UVRAG: variants seen among roughly 807,000 people sequenced by gnomAD.
UVRAG encodes the protein UV radiation resistance associated, also known as UV radiation resistance-associated gene protein.
Under a neutral mutation model 78.0 loss-of-function variants are expected in UVRAG, and 19 were observed. The observed-to-expected ratio is 0.24, with a 90% CI of 0.17 to 0.36. The LOEUF (loss-of-function observed/expected upper bound fraction) is 0.36. Among genes scored for constraint, UVRAG ranks in the 10% least tolerant of loss-of-function variants. UVRAG has a pLI of 1.00. For synonymous variants in UVRAG, 323 were observed against 324.6 expected (o/e 1.00, Z 0.05); for missense variants, 740 against 853.8 (o/e 0.87, Z 1.66).
At chr11:76,024,479 T>G (rs545016248) in intron 12 of UVRAG, among the ~76,000 whole-genome samples, 1 of 152,316 alleles carries the variant, frequency 6.6e-6, no homozygotes, top group East Asian at 1.9e-4. Flanking sequence ...GAAACACAAA[T>G]TGTATTTTGT....
chr11:76,088,858 C>A (rs1245627529), intron 13 of UVRAG, among the ~76,000 whole-genome samples: 1 of 152,156 alleles, frequency 6.6e-6, no homozygotes, highest in Non-Finnish European at 1.5e-5. Context: ...AGTAATCGAT[C>A]AAATATGTGA....
intron 3 of UVRAG, among the ~76,000 whole-genome samples, chr11:75,865,317 AAG>A (rs1946514500): frequency 6.6e-6 from 1 of 151,834 alleles, no homozygotes; most frequent in Non-Finnish European, 1.5e-5. Flanking sequence ...AAAGATAAAA[AAG>A]AGTGTTTTCC....
intron 6 of UVRAG, among the ~76,000 whole-genome samples, chr11:75,954,618 T>G (rs1017911329): frequency 2.0e-5 from 3 of 152,244 alleles, no homozygotes; most frequent in African/African-American, 7.2e-5. Flanking sequence ...TGTCAAATTT[T>G]GGGACTGTGC....
At chr11:76,016,538 A>G (rs963233170) in intron 11 of UVRAG, among the ~76,000 whole-genome samples, 2 of 152,142 alleles carry the variant, frequency 1.3e-5, no homozygotes, top group East Asian at 3.8e-4. Flanking sequence ...AGCAATGGTT[A>G]TTTGGACATA....
chr11:75,935,700 A>G (rs886775038), intron 6 of UVRAG, among the ~76,000 whole-genome samples: 2 of 152,202 alleles, frequency 1.3e-5, no homozygotes, highest in African/African-American at 2.4e-5. Flanking sequence ...AAATAGTATA[A>G]AGAGCTTTCC....
intron 1 of UVRAG, among the ~76,000 whole-genome samples, chr11:75,835,749 A>G (rs1945761392): frequency 6.6e-6 from 1 of 152,216 alleles, no homozygotes; most frequent in Non-Finnish European, 1.5e-5. Flanking sequence ...ATCTCTCTAA[A>G]TAGAGGTAAT....
At position 75,870,081 on chromosome 11, in the gene UVRAG, A is replaced by T. The variant is rs190232653; in HGVS notation, c.270+8301A>T. On this transcript the variant is annotated intron_variant, in intron 3 of 14. Transcript: ENST00000356136. ...GGGTATGTATAGGTTAAATATAAAT[A>T]AAAAAATCATCTGGGTCTATATAGT... Among the ~76,000 whole-genome samples the T allele has an allele frequency of 1.7e-3, 265 of 152,302 alleles. 2 individuals carry two copies. Among genetic ancestry groups the T allele is most frequent in the African/African-American group, 6.3e-3 (260 of 41,574 alleles).
chr11:75,993,820 T>G (rs1949657104), intron 8 of UVRAG, among the ~76,000 whole-genome samples: 1 of 152,112 alleles, frequency 6.6e-6, no homozygotes, highest in Admixed American at 6.5e-5. Flanking sequence ...GATGCCAACA[T>G]CTGCTCCAGG....
At chr11:75,875,373 G>A (rs923374561) in intron 3 of UVRAG, among the ~76,000 whole-genome samples, 10 of 151,786 alleles carry the variant, frequency 6.6e-5, no homozygotes, top group African/African-American at 2.4e-4. Context: ...TTTTCATTGG[G>A]TGGATTTCTT....
chr11:75,963,195 G>A (rs974476137), intron 7 of UVRAG, among the ~76,000 whole-genome samples: 8 of 152,140 alleles, frequency 5.3e-5, no homozygotes, highest in Non-Finnish European at 7.4e-5. Flanking sequence ...TCTATAAGGC[G>A]AGGGGTTTTT....
chr11:76,077,753 A>G (rs979517844), intron 13 of UVRAG, among the ~76,000 whole-genome samples: 4 of 152,218 alleles, frequency 2.6e-5, no homozygotes, highest in Non-Finnish European at 5.9e-5. Context: ...AGTTCAGGAG[A>G]CCGTACTTGC....
chr11:75,860,966 G>A (rs1223184701), intron 2 of UVRAG, among the ~76,000 whole-genome samples: 1 of 152,060 alleles, frequency 6.6e-6, no homozygotes, highest in East Asian at 1.9e-4. Flanking sequence ...ATTTTTAGTA[G>A]AGATGGGGTT....
intron 7 of UVRAG, among the ~76,000 whole-genome samples, chr11:75,982,654 A>C (rs1949416261): frequency 6.6e-6 from 1 of 152,136 alleles, no homozygotes; most frequent in African/African-American, 2.4e-5. Flanking sequence ...TGAAACGGGC[A>C]GGGGGGTTAG....
At chr11:75,884,888 T>C (rs544524870) in intron 4 of UVRAG, among the ~76,000 whole-genome samples, 2 of 152,242 alleles carry the variant, frequency 1.3e-5, no homozygotes, top group East Asian at 1.9e-4. Context: ...CCTTTCCATA[T>C]ACACTTTAGA....
chr11:76,112,650 T>C (rs1162362516), intron 13 of UVRAG, among the ~76,000 whole-genome samples: 1 of 152,126 alleles, frequency 6.6e-6, no homozygotes, highest in African/African-American at 2.4e-5. Flanking sequence ...AAGAGCAAAA[T>C]GGACTTGATC....
chr11:75,876,636 A>G (rs551181852), intron 3 of UVRAG, among the ~76,000 whole-genome samples: 3 of 151,636 alleles, frequency 2.0e-5, no homozygotes, highest in East Asian at 3.9e-4. Flanking sequence ...GTGCTAGGTT[A>G]TCATCATGTT....
intron 6 of UVRAG, among the ~76,000 whole-genome samples, chr11:75,946,587 CT>C (rs1948592972): frequency 6.6e-6 from 1 of 152,172 alleles, no homozygotes; most frequent in Non-Finnish European, 1.5e-5. Context: ...GCGCTGTGTT[CT>C]TTTCTGGAGC....
At chr11:75,848,128 G>A (rs1590929900) in intron 1 of UVRAG, among the ~76,000 whole-genome samples, 1 of 151,576 alleles carries the variant, frequency 6.6e-6, no homozygotes, top group East Asian at 1.9e-4. Flanking sequence ...AGCCTGGGAG[G>A]TTGAGGCTGC....
At chr11:75,995,366 G>C (rs1057444159) in intron 8 of UVRAG, among the ~76,000 whole-genome samples, 4 of 151,800 alleles carry the variant, frequency 2.6e-5, no homozygotes, top group African/African-American at 9.7e-5. Context: ...GGAGAGGTCA[G>C]ATATGTCAGA....
Sources: allele counts gnomAD v4.1 joint callset (sites outside exome capture counted in the v4.1 genomes callset), GRCh38; gene constraint gnomAD v4.1.1; transcripts MANE v1.5; gene names NCBI Gene and HGNC (gene_info 2026-07-23, HGNC 2026-07-21).